Variants in PSMA6 observed in about 807,000 individuals in gnomAD.
PSMA6 encodes the protein proteasome subunit alpha type-6.
For missense variants in PSMA6, 170 were observed against 294.8 expected (o/e 0.58, Z 3.10); for synonymous variants, 88 against 97.7 (o/e 0.90, Z 0.59).
intron 6 of PSMA6, chr14:35,315,245 G>A (rs2052023506): frequency 6.6e-6 from 1 of 152,120 alleles, no homozygotes; most frequent in Non-Finnish European, 1.5e-5. Flanking sequence ...ACATGGTCTT[G>A]GTTGTGGTGT....
chr14:35,306,572 C>T (rs986300368), intron 1 of PSMA6, among the ~76,000 whole-genome samples: 3 of 151,624 alleles, frequency 2.0e-5, no homozygotes, highest in Non-Finnish European at 4.4e-5. Context: ...GGTGTTGTGG[C>T]GGGCAGCTGT....
upstream of PSMA6, among the ~76,000 whole-genome samples, chr14:35,287,440 C>G (rs2051431840): frequency 6.6e-6 from 1 of 152,104 alleles, no homozygotes; most frequent in South Asian, 2.1e-4. Context: ...TATTCCCTGG[C>G]TCACTGAAAC....
Position 35,285,345 on chromosome 14 carries a change from AAACAAAAAAC to A in PSMA6, c.19+6630_19+6639del, listed in dbSNP as rs1266483449. ...ACAGAGCAAAACTCTATCTCAAAAA[AAACAAAAAAC>A]AAAAAAAAAAACCGTAGCACACTCT... is the stretch of plus-strand genomic sequence containing the variant. On this transcript the variant is annotated intron_variant, in intron 1 of 6. Transcript: ENST00000540871. 8.7e-3 allele frequency among the ~76,000 whole-genome samples: 305 copies of A among 35,030 alleles called. 6 individuals are homozygous for A. The highest frequency in any genetic ancestry group is 0.021 in the Middle Eastern group (1 of 48). 23.0% of individuals were successfully genotyped at this position (35,030 alleles called of 152,430 possible). A position where few individuals can be genotyped will look rare whatever the true frequency, so the allele number is the denominator to read the frequency against.
At chr14:35,311,738 A>G (rs1214526889) in intron 4 of PSMA6, among the ~76,000 whole-genome samples, 1 of 152,212 alleles carries the variant, frequency 6.6e-6, no homozygotes, top group Non-Finnish European at 1.5e-5. Context: ...TGGTAACATT[A>G]GAATTGTAGT....
chr14:35,298,993 C>T (rs922147661), intron 1 of PSMA6, among the ~76,000 whole-genome samples: 8 of 151,910 alleles, frequency 5.3e-5, no homozygotes, highest in African/African-American at 1.9e-4. Flanking sequence ...CTCGGCCTCC[C>T]GAAGTACTGG....
At chr14:35,317,228 T>C (rs766837153) in intron 6 of PSMA6, 21 bp from the exon 7 acceptor site, 6 of 1,610,048 alleles carry the variant, frequency 3.7e-6, no homozygotes, top group East Asian at 2.2e-5. Flanking sequence ...TCGTTGTTTT[T>C]TTCCCCCTTT....
chr14:35,303,995 C>T (rs1019242871), intron 1 of PSMA6, among the ~76,000 whole-genome samples: 10 of 149,084 alleles, frequency 6.7e-5, no homozygotes, highest in Admixed American at 2.7e-4. Flanking sequence ...TTTTTTTAGA[C>T]GGAGTCTCGC....
intron 1 of PSMA6, among the ~76,000 whole-genome samples, chr14:35,305,151 T>A (rs970117039): frequency 1.3e-4 from 20 of 151,896 alleles, no homozygotes; most frequent in Admixed American, 3.3e-4. Context: ...TGTTTCTTTT[T>A]TTTTTTTTTG....
At chr14:35,287,528 T>C (rs954139194), upstream of PSMA6, among the ~76,000 whole-genome samples, 1 of 151,160 alleles carries the variant, frequency 6.6e-6, no homozygotes, top group Non-Finnish European at 1.5e-5. Flanking sequence ...ATGTCTGCAG[T>C]CTCTGGGAAT....
chr14:35,298,819 C>T (rs570562498), intron 1 of PSMA6, among the ~76,000 whole-genome samples: 18 of 150,066 alleles, frequency 1.2e-4, no homozygotes, highest in Non-Finnish European at 1.6e-4. Flanking sequence ...CTATAACTTC[C>T]GCCTCCCAGG....
intron 1 of PSMA6, among the ~76,000 whole-genome samples, chr14:35,297,205 GTTTTAT>G (rs1162856192): frequency 1.6e-5 from 2 of 123,644 alleles, no homozygotes; most frequent in Admixed American, 2.0e-4. Flanking sequence ...AGAACATCCC[GTTTTAT>G]TTTTATTTTT....
At position 35,299,312 on chromosome 14, in the gene PSMA6, C is replaced by T. The variant is rs190597895; in HGVS notation, c.76+6760C>T. ...TGCTGGGATTATAGGTGTGAGCCGC[C>T]GCAGTGCCCAGCCTCTTTTTTTTTT... On this transcript the variant is annotated intron_variant, in intron 1 of 6. Coordinates refer to ENST00000261479, the MANE Select transcript of PSMA6 (RefSeq NM_002791.3). Among the ~76,000 whole-genome samples the T allele has an allele frequency of 8.9e-4, 94 of 105,990 alleles. 1 individual carries two copies. Among genetic ancestry groups the T allele is most frequent in the Admixed American group, 4.7e-3 (47 of 10,028 alleles). The allele number at this position is 105,990 out of a possible 152,430, so 69.5% of individuals were successfully genotyped here.
chr14:35,317,112 T>C, intron 6 of PSMA6, 137 bp from the exon 7 acceptor site: 1 of 652,188 alleles, frequency 1.5e-6, no homozygotes, highest in Non-Finnish European at 2.7e-6. Context: ...ATAGATTTTT[T>C]AAAGATTGGT....
chr14:35,317,170 T>C, intron 6 of PSMA6, 79 bp from the exon 7 acceptor site: 1 of 1,103,462 alleles, frequency 9.1e-7, no homozygotes, highest in South Asian at 1.2e-5. Flanking sequence ...TATGGGAGTT[T>C]ATTATACTAT....
At chr14:35,278,590 A>G, upstream of PSMA6, 1 of 1,139,834 alleles carries the variant, frequency 8.8e-7, no homozygotes, top group South Asian at 1.3e-5. Context: ...TGCCAGTGGA[A>G]TTCCCTGACG....
At chr14:35,309,485 A>G (rs1300533993) in intron 3 of PSMA6, among the ~76,000 whole-genome samples, 4 of 152,052 alleles carry the variant, frequency 2.6e-5, no homozygotes, top group Non-Finnish European at 4.4e-5. Flanking sequence ...CTCCATCTCT[A>G]TAACAAATTT....
At chr14:35,307,003 C>T (rs1441198174) in intron 1 of PSMA6, among the ~76,000 whole-genome samples, 1 of 152,044 alleles carries the variant, frequency 6.6e-6, no homozygotes, top group Non-Finnish European at 1.5e-5. Flanking sequence ...AAAAACTTAG[C>T]TGGGCATGGT....
chr14:35,286,171 A>G (rs2051419975), intron 1 of PSMA6, among the ~76,000 whole-genome samples: 1 of 152,222 alleles, frequency 6.6e-6, no homozygotes, highest in Non-Finnish European at 1.5e-5. Context: ...TATGGTCACC[A>G]AGTAATCTGT....
chr14:35,307,101 T>G (rs2051843166), intron 1 of PSMA6, among the ~76,000 whole-genome samples: 1 of 152,088 alleles, frequency 6.6e-6, no homozygotes, highest in African/African-American at 2.4e-5. Flanking sequence ...TAAGCCAAGA[T>G]CGTGCCACCT....
Sources: gnomAD v4.1 joint callset for allele counts (sites outside exome capture counted in the v4.1 genomes callset) on GRCh38, gnomAD v4.1.1 for gene constraint, MANE v1.5 for transcripts, NCBI Gene and HGNC (gene_info 2026-07-23, HGNC 2026-07-21) for gene names.